The following NINL variants were observed in gnomAD, a reference collection of about 807,000 sequenced individuals.
NINL encodes ninein like.
Under a neutral mutation model 160.3 loss-of-function variants are expected in NINL, and 153 were observed. The ratio of observed to expected loss-of-function variants is 0.95; its 90% CI spans 0.84 to 1.09. The LOEUF is 1.09. NINL is among the 50% of genes least tolerant of loss of function. The pLI, the probability that NINL is intolerant of heterozygous loss-of-function variation, is 0.00. For synonymous variants in NINL, 800 were observed against 734.8 expected, an observed-to-expected ratio of 1.09 and a Z score of -1.43; for missense variants, 1,829 against 1,764.0, an observed-to-expected ratio of 1.04 and a Z score of -0.66.
At chr20:25,457,065 C>T (rs1424886096) in intron 22 of NINL, among the ~76,000 whole-genome samples, 1 of 152,054 alleles carries the variant, frequency 6.6e-6, no homozygotes, top group Non-Finnish European at 1.5e-5. Flanking sequence ...GTGGCTCACA[C>T]CTATAATCCC....
At chr20:25,481,709 T>TG in intron 14 of NINL, 1 of 521,814 alleles carries the variant, frequency 1.9e-6, no homozygotes, top group Non-Finnish European at 3.4e-6. Flanking sequence ...CTCTGAGATG[T>TG]GGGAACAGCC....
chr20:25,467,339 GA>G, intron 19 of NINL, 49 bp downstream of exon 19: 16 of 1,365,750 alleles, frequency 1.2e-5, no homozygotes, highest in Non-Finnish European at 1.6e-5. Flanking sequence ...TCAAAATAAT[GA>G]AAAAAAGGAA....
intron 18 of NINL, among the ~76,000 whole-genome samples, chr20:25,469,380 C>G (rs1024384587): frequency 5.6e-5 from 8 of 141,996 alleles, no homozygotes; most frequent in South Asian, 4.8e-4. Context: ...GCCCTGCCCC[C>G]CTGACTCTCA....
In NINL at chr20:25,496,512, C is replaced by T. The variant is rs2063755780; in HGVS notation, c.1310+151G>A. 4.3e-6 allele frequency: 4 copies of T among 921,976 alleles called. No individual in the cohort carries two copies. The East Asian group carries it at 7.5e-5, about 17-fold the overall frequency. The allele number at this position is 921,976 out of a possible 1,614,324, so 57.1% of individuals were successfully genotyped here. ...TCTGCTGCTTTCTCAAGGCTGTGCCCCCTGGATTCCCCCTGACTCAGGTGA... is the reference window on the plus strand; with the variant it reads ...TCTGCTGCTTTCTCAAGGCTGTGCCTCCTGGATTCCCCCTGACTCAGGTGA... On this transcript the variant is annotated intron_variant, in intron 10 of 23. Transcript: ENST00000278886.
intron 13 of NINL, among the ~76,000 whole-genome samples, chr20:25,486,622 T>C (rs538975847): frequency 1.4e-3 from 163 of 115,262 alleles, no homozygotes; most frequent in Admixed American, 5.6e-3. Flanking sequence ...TCATCACACA[T>C]AGGATTTCAA....
intron 19 of NINL, among the ~76,000 whole-genome samples, chr20:25,463,913 C>T (rs937110345): frequency 2.0e-5 from 3 of 152,188 alleles, no homozygotes; most frequent in South Asian, 2.1e-4. Context: ...GCTTCCACCA[C>T]GACATAAGCG....
chr20:25,523,793 C>T (rs1433843014), intron 2 of NINL, among the ~76,000 whole-genome samples: 1 of 141,318 alleles, frequency 7.1e-6, no homozygotes. Context: ...CAGGTGCGTG[C>T]CACCACGCCG....
Position 25,504,096 on chromosome 20 carries a change from TTCGAGTTCC to T in NINL, c.709-1_716del, listed in dbSNP as rs758825967. 21 of 1,570,976 alleles carry T rather than the reference TTCGAGTTCC, an allele frequency of 1.3e-5. No homozygotes were observed. Among genetic ancestry groups the T allele is most frequent in the Admixed American group, 1.8e-5 (1 of 54,210 alleles). ...CTTGATCCAGTTTGTTAAACAGGTCTTCGAGTTCCTAAACAAAAGCCGTCATATCTCAGG... is the reference window on the plus strand; with the variant it reads ...CTTGATCCAGTTTGTTAAACAGGTCTTAAACAAAAGCCGTCATATCTCAGG... On this transcript the variant is annotated splice_acceptor_variant and coding_sequence_variant, in exon 7 of 24. Coordinates refer to ENST00000278886, the MANE Select transcript of NINL (RefSeq NM_025176.6). LOFTEE classifies it high-confidence loss of function.
At chr20:25,548,039 T>A (rs1639159276) in intron 1 of NINL, among the ~76,000 whole-genome samples, 1 of 152,240 alleles carries the variant, frequency 6.6e-6, no homozygotes, top group Non-Finnish European at 1.5e-5. Flanking sequence ...GGGACAGCTA[T>A]ACTCCTGGGA....
chr20:25,515,619 C>T (rs958655899), intron 3 of NINL, among the ~76,000 whole-genome samples: 5 of 152,156 alleles, frequency 3.3e-5, no homozygotes, highest in Non-Finnish European at 5.9e-5. Context: ...GTGTCCCCAC[C>T]CAAATCTCAT....
intron 1 of NINL, among the ~76,000 whole-genome samples, chr20:25,559,701 A>G (rs946937599): frequency 6.6e-6 from 1 of 151,958 alleles, no homozygotes; most frequent in African/African-American, 2.4e-5. Context: ...CCTGGGCTCA[A>G]GTGATCCTCC....
chr20:25,503,889 T>C (rs1270968854), intron 7 of NINL, 63 bp downstream of exon 7: 1 of 1,597,434 alleles, frequency 6.3e-7, no homozygotes, highest in Non-Finnish European at 8.6e-7. Flanking sequence ...GAGTCAGCAG[T>C]TTTAGTCACC....
intron 2 of NINL, among the ~76,000 whole-genome samples, chr20:25,521,755 T>C (rs1422912860): frequency 6.6e-6 from 1 of 152,238 alleles, no homozygotes; most frequent in African/African-American, 2.4e-5. Context: ...TTGTCAACCC[T>C]GGGTTTCTAC....
intron 1 of NINL, among the ~76,000 whole-genome samples, chr20:25,551,538 GGA>G (rs1302965081): frequency 6.6e-6 from 1 of 152,154 alleles, no homozygotes; most frequent in African/African-American, 2.4e-5. Flanking sequence ...ACGCACCCAG[GGA>G]AAACACAAGC....
At chr20:25,545,477 C>A (rs6050672) in intron 1 of NINL, among the ~76,000 whole-genome samples, 21 of 135,506 alleles carry the variant, frequency 1.5e-4, no homozygotes, top group Non-Finnish European at 3.2e-4. Context: ...AATTCTGAGC[C>A]CCCCCCCATT....
At chr20:25,480,107 C>A in intron 15 of NINL, 54 bp downstream of exon 15, 1 of 1,324,242 alleles carries the variant, frequency 7.6e-7, no homozygotes. Flanking sequence ...AGTAAAGCTG[C>A]CCAACACACA....
At chr20:25,507,757 G>C (rs1360304359) in intron 5 of NINL, among the ~76,000 whole-genome samples, 2 of 152,216 alleles carry the variant, frequency 1.3e-5, no homozygotes, top group Non-Finnish European at 2.9e-5. Flanking sequence ...AAAACAAGAG[G>C]AAAGGGATGG....
intron 19 of NINL, among the ~76,000 whole-genome samples, chr20:25,465,327 G>A (rs1278090461): frequency 6.6e-6 from 1 of 152,140 alleles, no homozygotes; most frequent in African/African-American, 2.4e-5. Flanking sequence ...GTCCAAAGAA[G>A]CCTCCAGAAG....
At chr20:25,561,059 T>C (rs1289917048) in intron 1 of NINL, among the ~76,000 whole-genome samples, 6 of 47,726 alleles carry the variant, frequency 1.3e-4, no homozygotes, top group African/African-American at 4.5e-4. Context: ...CCTCTCTCTC[T>C]CTTTCCACGG....
Sources: gnomAD v4.1 joint callset for allele counts (sites outside exome capture counted in the v4.1 genomes callset) on GRCh38, gnomAD v4.1.1 for gene constraint, MANE v1.5 for transcripts, NCBI Gene and HGNC (gene_info 2026-07-23, HGNC 2026-07-21) for gene names.